TBC1D1: variants seen among roughly 807,000 people sequenced by gnomAD.
The protein encoded by TBC1D1 is TBC1 domain family member 1, also known as TBC1 (tre-2/USP6, BUB2, cdc16) domain family, member 1.
TBC1D1 carries 89 observed loss-of-function variants against 125.6 expected under a neutral mutation model. The observed-to-expected ratio is 0.71, with a 90% CI of 0.60 to 0.85. The LOEUF (loss-of-function observed/expected upper bound fraction) is 0.85, where lower values mean the gene tolerates loss of function less well. Ranked by LOEUF, TBC1D1 falls within the 40% of genes least tolerant of loss-of-function variation. TBC1D1 has a pLI of 0.00. For synonymous variants in TBC1D1, 565 were observed against 564.1 expected (o/e 1.00, Z -0.02); for missense variants, 1,377 against 1,469.2 (o/e 0.94, Z 1.03).
chr4:38,000,663 GT>G, intron 2 of TBC1D1, among the ~76,000 whole-genome samples: 1 of 152,288 alleles, frequency 6.6e-6, no homozygotes, highest in East Asian at 1.9e-4. Flanking sequence ...ATGTGTCAGA[GT>G]TTTCCCCACA....
chr4:38,104,155 G>A (rs1163468987), intron 15 of TBC1D1, among the ~76,000 whole-genome samples: 1 of 57,144 alleles, frequency 1.7e-5, no homozygotes, highest in Non-Finnish European at 3.0e-5. Context: ...ATGAGACTCT[G>A]TCTCAAAAAA....
rs1180485146 is a variant in TBC1D1 at position 37,914,706 on chromosome 4, T to C, written c.417+12194T>C. On this transcript the variant is annotated intron_variant, in intron 2 of 19. Coordinates refer to ENST00000261439, the MANE Select transcript of TBC1D1 (RefSeq NM_015173.4). ...CCTGTATCTTTGCTGGGGCCTATCA[T>C]GTAGACTTCATCTCCCACACCCTTC... Among the ~76,000 whole-genome samples, 3 of 152,256 alleles carry C rather than the reference T, an allele frequency of 2.0e-5. No individual in the cohort carries two copies. In the East Asian group the frequency reaches 5.8e-4, roughly 29 times the overall value.
intron 18 of TBC1D1, among the ~76,000 whole-genome samples, chr4:38,129,260 A>G (rs1765174418): frequency 6.6e-6 from 1 of 152,130 alleles, no homozygotes; most frequent in Admixed American, 6.5e-5. Flanking sequence ...CAGAAGACAC[A>G]CCTCAAATCA....
At chr4:37,959,228 C>T (rs1019848794) in intron 2 of TBC1D1, among the ~76,000 whole-genome samples, 1 of 152,158 alleles carries the variant, frequency 6.6e-6, no homozygotes, top group African/African-American at 2.4e-5. Flanking sequence ...TCCCAAAAAG[C>T]TTAACCGATA....
At chr4:37,919,543 A>C (rs1720479357) in intron 2 of TBC1D1, among the ~76,000 whole-genome samples, 1 of 151,992 alleles carries the variant, frequency 6.6e-6, no homozygotes, top group Non-Finnish European at 1.5e-5. Flanking sequence ...TGGGAAAAGC[A>C]CAACTACTCC....
intron 11 of TBC1D1, chr4:38,053,133 A>G: frequency 6.5e-7 from 1 of 1,529,076 alleles, no homozygotes; most frequent in Non-Finnish European, 8.8e-7. Context: ...CCCTGCGGAA[A>G]AAACTTCATT....
intron 2 of TBC1D1, among the ~76,000 whole-genome samples, chr4:37,991,345 G>T (rs1208536809): frequency 2.0e-5 from 3 of 152,166 alleles, no homozygotes; most frequent in Non-Finnish European, 4.4e-5. Flanking sequence ...CAGTGTCCTG[G>T]AGTACCTCTC....
intron 2 of TBC1D1, among the ~76,000 whole-genome samples, chr4:37,912,024 T>C (rs1232882386): frequency 6.6e-6 from 1 of 152,192 alleles, no homozygotes; most frequent in Non-Finnish European, 1.5e-5. Flanking sequence ...ATTACATAGG[T>C]TATACTGAAC....
chr4:37,946,677 C>T (rs972512025), intron 2 of TBC1D1, among the ~76,000 whole-genome samples: 1 of 152,124 alleles, frequency 6.6e-6, no homozygotes, highest in African/African-American at 2.4e-5. Context: ...TGTGAAACCA[C>T]AGGGAGGAGA....
intron 14 of TBC1D1, among the ~76,000 whole-genome samples, chr4:38,097,379 G>A (rs1005958303): frequency 1.3e-4 from 19 of 145,354 alleles, no homozygotes; most frequent in Admixed American, 1.1e-3. Context: ...TTGCTCTGTC[G>A]CCCAGGCTGG....
At chr4:38,070,784 G>T (rs1754575137) in intron 12 of TBC1D1, among the ~76,000 whole-genome samples, 1 of 152,292 alleles carries the variant, frequency 6.6e-6, no homozygotes, top group South Asian at 2.1e-4. Context: ...TTTCAATTTT[G>T]TATTGTAGTG....
At position 38,014,510 on chromosome 4, in the gene TBC1D1, T is replaced by G. The variant is rs1281960215; in HGVS notation, c.419T>G (p.Val140Gly). 6.2e-7 allele frequency: 1 copy of G among 1,611,328 alleles called. No homozygotes were observed. The highest frequency in any genetic ancestry group is 8.5e-7 in the Non-Finnish European group (1 of 1,178,532). ...TAACACGCCTCTCTCTCTCCTCAGG[T>G]GCCTGAGATCATCAGCTCCATCCGT... Residue 140 changes from valine to glycine, a missense_variant and splice_region_variant, in exon 3 of 20, where the codon GTG becomes GGG. This residue lies in a region of TBC1D1 where 822 missense variants were observed against 824.6 expected (regional missense o/e 1.00). Coordinates refer to ENST00000261439, the MANE Select transcript of TBC1D1 (RefSeq NM_015173.4). This position sits in a 1 kb window ranked among gnomAD's most constrained non-coding sequence, Gnocchi z 5.1.
Position 38,138,943 on chromosome 4 carries a change from T to C in TBC1D1, c.*1608T>C, listed in dbSNP as rs921765153. The C allele has an allele frequency of 1.9e-4, 29 of 152,744 alleles. No individual in the cohort carries two copies. Among genetic ancestry groups the C allele is most frequent in the African/African-American group, 6.7e-4 (28 of 41,558 alleles). 9.5% of individuals were successfully genotyped at this position (152,744 alleles called of 1,614,324 possible). On this transcript the variant is annotated 3_prime_UTR_variant, in exon 20 of 20. Transcript: ENST00000261439. Reference sequence around the variant, plus strand: ...TCCTCCTGTTCCCTGGGTCAGAGGATAGCGGTTTCCATCATAAACCAAGAT... The same window carrying C: ...TCCTCCTGTTCCCTGGGTCAGAGGACAGCGGTTTCCATCATAAACCAAGAT...
intron 2 of TBC1D1, among the ~76,000 whole-genome samples, chr4:37,982,341 T>C (rs1270192015): frequency 6.6e-6 from 1 of 152,262 alleles, no homozygotes; most frequent in Non-Finnish European, 1.5e-5. Flanking sequence ...CCTAGGTTAA[T>C]GTGATGTATT....
At position 38,090,002 on chromosome 4, in the gene TBC1D1, C is replaced by G; in HGVS notation, c.2121C>G (p.Gly707=). The change falls in exon 13 of 20, where the codon GGC becomes GGG. Residue 707 remains glycine (G), a synonymous_variant. Coordinates refer to ENST00000261439, the MANE Select transcript of TBC1D1 (RefSeq NM_015173.4). ...CAGTTTGTGAAGATGGGCCCTTTGGCCCCCCACCAGAGGAAAAGAAAAGGA... is the reference window on the plus strand; with the variant it reads ...CAGTTTGTGAAGATGGGCCCTTTGGGCCCCCACCAGAGGAAAAGAAAAGGA... 1.2e-6 allele frequency: 2 copies of G among 1,613,916 alleles called. No individual in the cohort carries two copies. The highest frequency in any genetic ancestry group is 1.7e-6 in the Non-Finnish European group (2 of 1,179,912).
At chr4:37,900,108 G>A (rs1204296650) in intron 1 of TBC1D1, among the ~76,000 whole-genome samples, 1 of 145,668 alleles carries the variant, frequency 6.9e-6, no homozygotes, top group Non-Finnish European at 1.5e-5. Context: ...GCGACAGAGC[G>A]AGGAGCCGTC....
At chr4:37,979,812 T>C (rs571099481) in intron 2 of TBC1D1, among the ~76,000 whole-genome samples, 1 of 152,380 alleles carries the variant, frequency 6.6e-6, no homozygotes, top group African/African-American at 2.4e-5. Context: ...AGAGCTTCGC[T>C]CTTGTTGTCC....
intron 12 of TBC1D1, among the ~76,000 whole-genome samples, chr4:38,087,459 G>C (rs973286913): frequency 6.6e-6 from 1 of 152,216 alleles, no homozygotes; most frequent in African/African-American, 2.4e-5. Flanking sequence ...AAGACCCTGG[G>C]AAGAGGAAGG....
chr4:37,983,917 C>CT (rs1358818207), intron 2 of TBC1D1, among the ~76,000 whole-genome samples: 10 of 152,316 alleles, frequency 6.6e-5, no homozygotes, highest in Admixed American at 2.0e-4. Context: ...CCCTCCCTTC[C>CT]TATAAGCCTT....
Sources: gnomAD v4.1 joint callset for allele counts (sites outside exome capture counted in the v4.1 genomes callset) on GRCh38, gnomAD v4.1.1 for gene constraint, gnomAD v4.1.1 regional missense constraint, Gnocchi (gnomAD v3.1) non-coding constraint, MANE v1.5 for transcripts, NCBI Gene and HGNC (gene_info 2026-07-23, HGNC 2026-07-21) for gene names.